ARRDC4: variants seen among roughly 807,000 people sequenced by gnomAD.
ARRDC4 encodes arrestin domain-containing protein 4.
ARRDC4 carries 40 observed loss-of-function variants against 44.6 expected under a neutral mutation model. The ratio of observed to expected loss-of-function variants is 0.90; its 90% CI spans 0.70 to 1.17. The LOEUF (loss-of-function observed/expected upper bound fraction) is 1.17. Among genes scored for constraint, ARRDC4 ranks in the 50% most tolerant of loss-of-function variants. The probability of loss-of-function intolerance (pLI) is 0.00; values close to 1 mark genes in which losing one functional copy is unlikely to be tolerated. For missense variants in ARRDC4, 550 were observed against 559.1 expected (o/e 0.98, Z 0.16); for synonymous variants, 211 against 221.2 (o/e 0.95, Z 0.41).
At chr15:97,969,428 T>G in intron 5 of ARRDC4, 49 bp downstream of exon 5, 1 of 1,587,790 alleles carries the variant, frequency 6.3e-7, no homozygotes, top group South Asian at 1.1e-5. Flanking sequence ...GGACAATAAC[T>G]GATGTCATGT....
Position 97,971,688 on chromosome 15 carries a change from C to A in ARRDC4, c.*501C>A. ...TCTTTGGGTGCTTCATGATTTCCTA[C>A]CATATTCAGGCCTAAAGACATTGAA... On this transcript the variant is annotated 3_prime_UTR_variant, in exon 8 of 8. Coordinates refer to ENST00000268042, the MANE Select transcript of ARRDC4 (RefSeq NM_183376.3). The A allele has an allele frequency of 6.1e-6, 1 of 162,672 alleles. No homozygotes were observed. Among genetic ancestry groups the A allele is most frequent in the Middle Eastern group, 3.2e-3 (1 of 310 alleles). The allele number at this position is 162,672 out of a possible 1,614,324, so 10.1% of individuals were successfully genotyped here.
chr15:97,967,286 T>C lies in ARRDC4; in HGVS notation c.523-728T>C, dbSNP rs1173707119. Among the ~76,000 whole-genome samples, 4 of 150,668 alleles carry C rather than the reference T, an allele frequency of 2.7e-5. No individual in the cohort carries two copies. The East Asian group carries it at 5.8e-4, about 22-fold the overall frequency. On this transcript the variant is annotated intron_variant, in intron 3 of 7. Coordinates refer to ENST00000268042, the MANE Select transcript of ARRDC4 (RefSeq NM_183376.3). The surrounding 1 kb of genome is among the most constrained non-coding windows in gnomAD (Gnocchi z 5.0). ...ACACTGTTGATCCCTTACGATTCTT[T>C]ATATAAATAAAAAAAAAATATTGCA...
intron 1 of ARRDC4, among the ~76,000 whole-genome samples, chr15:97,963,544 C>A (rs928976861): frequency 6.6e-6 from 1 of 152,134 alleles, no homozygotes; most frequent in Non-Finnish European, 1.5e-5. Flanking sequence ...CAAATGCCTG[C>A]CATGCTCTTC....
intron 1 of ARRDC4, among the ~76,000 whole-genome samples, chr15:97,962,066 A>C (rs1258146168): frequency 6.6e-6 from 1 of 152,236 alleles, no homozygotes; most frequent in Non-Finnish European, 1.5e-5. Flanking sequence ...AACTAGTTTA[A>C]ACTTTTACGT....
Position 97,960,740 on chromosome 15 carries a change from C to G in ARRDC4, c.-122C>G. 2 of 901,460 alleles carry G rather than the reference C, an allele frequency of 2.2e-6. No homozygotes were observed. The highest frequency in any genetic ancestry group is 2.9e-6 in the Non-Finnish European group (2 of 684,254). 55.8% of individuals were successfully genotyped at this position (901,460 alleles called of 1,614,324 possible). A position where few individuals can be genotyped will look rare whatever the true frequency, so the allele number is the denominator to read the frequency against. On this transcript the variant is annotated 5_prime_UTR_variant, in exon 1 of 8. Transcript: ENST00000268042. ...GGCGAGCCGGTGCCCCATCGGGTAC[C>G]GCACGGCTGCCGCGGCGGCCTTACC...
In ARRDC4 at chr15:97,968,125, A is replaced by AATGCTT; in HGVS notation, c.625+10_625+15dup. 6.6e-7 allele frequency: 1 copy of AATGCTT among 1,509,384 alleles called. No individual in the cohort carries two copies. The highest frequency in any genetic ancestry group is 9.0e-7 in the Non-Finnish European group (1 of 1,116,766). The allele number at this position is 1,509,384 out of a possible 1,614,324, so 93.5% of individuals were successfully genotyped here. ...AAAGGGATACTGTAATGGTAAGCAA[A>AATGCTT]ATGCTTGAAAGTCCAAATGAAAGAT... On this transcript the variant is annotated intron_variant, in intron 4 of 7. Coordinates refer to ENST00000268042, the MANE Select transcript of ARRDC4 (RefSeq NM_183376.3). The surrounding 1 kb of genome is among the most constrained non-coding windows in gnomAD (Gnocchi z 5.4).
Position 97,971,540 on chromosome 15 carries a change from G to GTTTTC in ARRDC4, c.*353_*354insTTTTC. The GTTTTC allele has an allele frequency of 3.6e-6, 1 of 277,630 alleles. No homozygotes were observed. Among genetic ancestry groups the GTTTTC allele is most frequent in the Non-Finnish European group, 7.0e-6 (1 of 143,602 alleles). 17.2% of individuals were successfully genotyped at this position (277,630 alleles called of 1,614,324 possible). ...AAACACTGTGGGAGTTTCCCATGGTGAAGAGTGGAACGAAGGCGATATGAA... is the reference window on the plus strand; with the variant it reads ...AAACACTGTGGGAGTTTCCCATGGTGTTTTCAAGAGTGGAACGAAGGCGATATGAA... On this transcript the variant is annotated 3_prime_UTR_variant, in exon 8 of 8. Transcript: ENST00000268042.
chr15:97,971,081 C>A (rs369708535), intron 7 of ARRDC4, 50 bp from the exon 8 acceptor site: 7 of 1,570,388 alleles, frequency 4.5e-6, no homozygotes, highest in Admixed American at 3.4e-5. Flanking sequence ...GTACTAGAAT[C>A]GTTTTAAATA....
In ARRDC4 at chr15:97,971,315, A is replaced by G; in HGVS notation, c.*128A>G. The G allele has an allele frequency of 1.1e-6, 1 of 932,512 alleles. No homozygotes were observed. The highest frequency in any genetic ancestry group is 1.6e-5 in the South Asian group (1 of 63,968). The allele number at this position is 932,512 out of a possible 1,614,324, so 57.8% of individuals were successfully genotyped here. A position where few individuals can be genotyped will look rare whatever the true frequency, so the allele number is the denominator to read the frequency against. On this transcript the variant is annotated 3_prime_UTR_variant, in exon 8 of 8. Coordinates refer to ENST00000268042, the MANE Select transcript of ARRDC4 (RefSeq NM_183376.3). ...AATGAACGTCAAGACTGAAGGCAAT[A>G]GAAATTAAAGAATGTGAGAAAGTTC...
intron 1 of ARRDC4, among the ~76,000 whole-genome samples, chr15:97,962,421 G>A (rs1899338374): frequency 6.6e-6 from 1 of 152,190 alleles, no homozygotes; most frequent in Admixed American, 6.5e-5. Flanking sequence ...TTGCAAGATG[G>A]CCGAATGGAG....
rs769189230 is a variant in ARRDC4, at chr15:97,968,168, C to T, written c.625+52C>T. 1 of 1,257,450 alleles carries T rather than the reference C, an allele frequency of 8.0e-7. No homozygotes were observed. The highest frequency in any genetic ancestry group is 2.3e-5 in the Admixed American group (1 of 42,766). 77.9% of individuals were successfully genotyped at this position (1,257,450 alleles called of 1,614,324 possible). ...TGAAAGATTTCATTCATTTTCTTAG[C>T]TAATTTTAAGTGATTTTAAATAGTG... On this transcript the variant is annotated intron_variant, in intron 4 of 7. Transcript: ENST00000268042. The surrounding 1 kb of genome is among the most constrained non-coding windows in gnomAD (Gnocchi z 5.4).
At position 97,966,074 on chromosome 15, in the gene ARRDC4, T is replaced by C; in HGVS notation, c.522+32T>C. The C allele has an allele frequency of 1.2e-6, 2 of 1,609,116 alleles. No individual in the cohort carries two copies. The highest frequency in any genetic ancestry group is 3.4e-5 in the Admixed American group (2 of 59,566). The stretch of plus-strand genomic sequence containing the variant: ...TCTTCCTTTTTCTCTTCCTCCTCCT[T>C]TTCCTCCTTCCCTCCCTTCCTCCTT... On this transcript the variant is annotated intron_variant, in intron 3 of 7. Coordinates refer to ENST00000268042, the MANE Select transcript of ARRDC4 (RefSeq NM_183376.3). The surrounding 1 kb of genome is among the most constrained non-coding windows in gnomAD (Gnocchi z 4.7).
chr15:97,961,326 C>T (rs1899314504), intron 1 of ARRDC4, among the ~76,000 whole-genome samples, 158 bp downstream of exon 1: 2 of 152,148 alleles, frequency 1.3e-5, no homozygotes, highest in African/African-American at 2.4e-5. Flanking sequence ...GGAGAGACCG[C>T]AAGTCCTGGG....
At position 97,968,407 on chromosome 15, in the gene ARRDC4, G is replaced by T. The variant is rs1223578716; in HGVS notation, c.625+291G>T. Among the ~76,000 whole-genome samples, 3 of 152,128 alleles carry T rather than the reference G, an allele frequency of 2.0e-5. No homozygotes were observed. Among genetic ancestry groups the T allele is most frequent in the African/African-American group, 7.2e-5 (3 of 41,440 alleles). ...AGCATCTGATTTTAATGTTGCAAAA[G>T]AATCTCCAGGGTTGTATTGCTAAAA... On this transcript the variant is annotated intron_variant, in intron 4 of 7. Coordinates refer to ENST00000268042, the MANE Select transcript of ARRDC4 (RefSeq NM_183376.3). The surrounding 1 kb of genome is among the most constrained non-coding windows in gnomAD (Gnocchi z 5.4).
Position 97,965,497 on chromosome 15 carries a change from T to C in ARRDC4, c.308-103T>C. ...TAATGAACTTTTGGAGTATGCTGCA[T>C]TTTGTAGCGAGAAAAACTTCCTTCA... On this transcript the variant is annotated intron_variant, in intron 1 of 7. Coordinates refer to ENST00000268042, the MANE Select transcript of ARRDC4 (RefSeq NM_183376.3). The surrounding 1 kb of genome is among the most constrained non-coding windows in gnomAD (Gnocchi z 5.1). 1.0e-6 allele frequency: 1 copy of C among 969,882 alleles called. No homozygotes were observed. The allele number at this position is 969,882 out of a possible 1,614,324, so 60.1% of individuals were successfully genotyped here. A position where few individuals can be genotyped will look rare whatever the true frequency, so the allele number is the denominator to read the frequency against.
Position 97,961,119 on chromosome 15 carries a change from G to C in ARRDC4, c.258G>C (p.Ser86=), listed in dbSNP as rs1899308215. 2 of 1,459,116 alleles carry C rather than the reference G, an allele frequency of 1.4e-6. No homozygotes were observed. Among genetic ancestry groups the C allele is most frequent in the African/African-American group, 1.5e-5 (1 of 67,642 alleles). The allele number at this position is 1,459,116 out of a possible 1,614,324, so 90.4% of individuals were successfully genotyped here. ...SASTAALAVF[S]EVEYLNVRLS... ...GCACCGCGGCCCTGGCTGTCTTCTC[G>C]GAGGTGGAGTACCTGAACGTGCGCC... Residue 86 remains serine, a synonymous_variant, in exon 1 of 8, where the codon TCG becomes TCC. Transcript: ENST00000268042.
rs764346863 is a variant in ARRDC4 at position 97,961,007 on chromosome 15, C to T, written c.146C>T (p.Pro49Leu). The T allele has an allele frequency of 3.3e-5, 48 of 1,444,172 alleles. No homozygotes were observed. In the African/African-American group the frequency reaches 6.3e-4, roughly 19 times the overall value. The allele number at this position is 1,444,172 out of a possible 1,614,324, so 89.5% of individuals were successfully genotyped here. ...CACGTGCTGCTGGAGGCGTCCGAGCCGGTGGCCCTGCGCGCGCTGCGCCTG... is the reference window on the plus strand; with the variant it reads ...CACGTGCTGCTGGAGGCGTCCGAGCTGGTGGCCCTGCGCGCGCTGCGCCTG... ...AGHVLLEASE[P>L]VALRALRLEA... The change falls in exon 1 of 8, where the codon CCG becomes CTG. Residue 49 changes from proline (P) to leucine (L), a missense_variant. Coordinates refer to ENST00000268042, the MANE Select transcript of ARRDC4 (RefSeq NM_183376.3).
Position 97,969,260 on chromosome 15 carries a change from C to G in ARRDC4, c.763C>G (p.Arg255Gly). 1 of 1,613,888 alleles carries G rather than the reference C, an allele frequency of 6.2e-7. No individual in the cohort carries two copies. The highest frequency in any genetic ancestry group is 8.5e-7 in the Non-Finnish European group (1 of 1,179,898). ...KTIRHMVANV[R>G]GNHIASGSTD... is the part of the protein sequence containing the mutation. ...CATTCGACACATGGTCGCCAATGTG[C>G]GAGGAAACCACATCGCTTCTGGGAG... The change falls in exon 5 of 8, where the codon CGA (arginine) becomes GGA (glycine). Residue 255 changes from arginine to glycine, a missense_variant. Arg to Gly is a moderately radical substitution (Grantham distance 125). Transcript: ENST00000268042.
chr15:97,964,741 G>A lies in ARRDC4; in HGVS notation c.308-859G>A, dbSNP rs929931204. Among the ~76,000 whole-genome samples the A allele has an allele frequency of 8.5e-5, 13 of 152,066 alleles. 1 individual carries two copies. The highest frequency in any genetic ancestry group is 6.5e-4 in the Admixed American group (10 of 15,276). ...CACCAAGAAACTCTGTGTTAGTCAG[G>A]AGAGCTCAAGGATACATACATGACT... On this transcript the variant is annotated intron_variant, in intron 1 of 7. Coordinates refer to ENST00000268042, the MANE Select transcript of ARRDC4 (RefSeq NM_183376.3).
Sources: allele counts gnomAD v4.1 joint callset (sites outside exome capture counted in the v4.1 genomes callset), GRCh38; gene constraint gnomAD v4.1.1; non-coding constraint Gnocchi (gnomAD v3.1); transcripts MANE v1.5; gene names NCBI Gene and HGNC (gene_info 2026-07-23, HGNC 2026-07-21).